Variants in DNAH11 observed in about 807,000 individuals in gnomAD.
The protein encoded by DNAH11 is dynein axonemal heavy chain 11, also known as axonemal beta dynein heavy chain 11.
In DNAH11, 442 loss-of-function variants were observed where a neutral mutation model predicts 526.0. The observed-to-expected ratio is 0.84, with a 90% CI of 0.78 to 0.91. The LOEUF is 0.91. Ranked by LOEUF, DNAH11 falls within the 40% of genes least tolerant of loss-of-function variation. The pLI, the probability that DNAH11 is intolerant of heterozygous loss-of-function variation, is 0.00. For missense variants in DNAH11, 6,989 were observed against 5,448.7 expected, an observed-to-expected ratio of 1.28 and a Z score of -8.90; for synonymous variants, 2,461 against 1,935.9, an observed-to-expected ratio of 1.27 and a Z score of -7.12.
rs765016952 is a variant in DNAH11, at chr7:21,894,712, A to T, written c.12840A>T (p.Pro4280=). Residue 4280 remains proline, a synonymous_variant, in exon 78 of 82, where the codon CCA becomes CCT. Transcript: ENST00000409508. ...TGCAAAAAAATTCAAATAGAAGCCC[A>T]TATGTTCTTGTTTGCTTCCAAGAAT... ...EIMQKNSNRS[P]YVLVCFQECE... The T allele has an allele frequency of 6.2e-7, 1 of 1,613,896 alleles. No homozygotes were observed.
intron 62 of DNAH11, among the ~76,000 whole-genome samples, chr7:21,804,858 C>T (rs1789183637): frequency 6.6e-6 from 1 of 152,176 alleles, no homozygotes; most frequent in African/African-American, 2.4e-5. Flanking sequence ...TCCCCAATAG[C>T]TAATTAATCA....
At chr7:21,838,359 CT>C (rs1419351311) in intron 65 of DNAH11, among the ~76,000 whole-genome samples, 4 of 152,180 alleles carry the variant, frequency 2.6e-5, no homozygotes, top group African/African-American at 9.6e-5. Flanking sequence ...TAATTGTTCC[CT>C]TTTTTTGGTA....
chr7:21,835,600 G>C (rs1781963113), intron 65 of DNAH11, among the ~76,000 whole-genome samples: 1 of 152,064 alleles, frequency 6.6e-6, no homozygotes, highest in Non-Finnish European at 1.5e-5. Context: ...ATTGTGTATA[G>C]AAGGAACATA....
chr7:21,897,545 A>G (rs955769260), intron 79 of DNAH11, among the ~76,000 whole-genome samples: 1 of 152,100 alleles, frequency 6.6e-6, no homozygotes, highest in Non-Finnish European at 1.5e-5. Flanking sequence ...TCTCTACCAA[A>G]TTTTCTTGGA....
chr7:21,779,858 CAAA>C (rs1239097682), intron 57 of DNAH11, among the ~76,000 whole-genome samples: 2 of 151,980 alleles, frequency 1.3e-5, no homozygotes, highest in Admixed American at 6.6e-5. Flanking sequence ...TTATTTTAGA[CAAA>C]AAAGTATAAT....
At chr7:21,820,224 G>A (rs1029532574) in intron 65 of DNAH11, among the ~76,000 whole-genome samples, 8 of 152,108 alleles carry the variant, frequency 5.3e-5, no homozygotes, top group African/African-American at 1.7e-4. Flanking sequence ...TACTATACTG[G>A]GGGCTGCAGA....
At chr7:21,809,716 A>C (rs1789424671) in intron 63 of DNAH11, among the ~76,000 whole-genome samples, 1 of 151,950 alleles carries the variant, frequency 6.6e-6, no homozygotes, top group Non-Finnish European at 1.5e-5. Context: ...GGCACCCGCC[A>C]CCACACCTGG....
chr7:21,816,622 A>G lies in DNAH11; in HGVS notation c.10488A>G (p.Ile3496Met). Residue 3496 changes from isoleucine (I) to methionine (M), a missense_variant, in exon 64 of 82, where the codon ATA (isoleucine) becomes ATG (methionine). Transcript: ENST00000409508. The stretch of plus-strand genomic sequence containing the variant: ...ACTGTGAGCGCTGGCCTCTGGTGAT[A>G]GATCCCCAGCAACAGGGAATTAAGT... ...LTHCERWPLVIDPQQQGIKWI... is the reference protein window; with the variant it reads ...LTHCERWPLVMDPQQQGIKWI... 1 of 1,613,766 alleles carries G rather than the reference A, an allele frequency of 6.2e-7. No individual in the cohort carries two copies. Among genetic ancestry groups the G allele is most frequent in the African/African-American group, 1.3e-5 (1 of 75,030 alleles).
Position 21,600,811 on chromosome 7 carries a change from G to A in DNAH11, c.3136G>A (p.Ala1046Thr). ...CACTTACCTCTGGGTGGATGATCGA[G>A]CTGAGTTTATGAAGCATTTTCTCTT... ...THTYLWVDDR[A>T]EFMKHFLLYG... The change falls in exon 16 of 82, where the codon GCT becomes ACT. Residue 1046 changes from alanine to threonine, a missense_variant. Transcript: ENST00000409508. 1.2e-6 allele frequency: 2 copies of A among 1,613,934 alleles called. No individual in the cohort carries two copies. The highest frequency in any genetic ancestry group is 1.1e-5 in the South Asian group (1 of 91,070).
Position 21,717,796 on chromosome 7 carries a change from C to A in DNAH11, c.7005C>A (p.Asp2335Glu). 1 of 1,613,772 alleles carries A rather than the reference C, an allele frequency of 6.2e-7. No individual in the cohort carries two copies. Among genetic ancestry groups the A allele is most frequent in the South Asian group, 1.1e-5 (1 of 91,072 alleles). Residue 2335 changes from aspartate (D) to glutamate (E), a missense_variant, in exon 43 of 82, where the codon GAC becomes GAA. Transcript: ENST00000409508. The part of the protein sequence containing the change: ...GWNPYVASWI[D>E]RRRHQSEKAN... ...TCAGGTATGTGGCCAGTTGGATAGA[C>A]AGAAGGCGGCATCAATCAGAAAAGG...
intron 40 of DNAH11, among the ~76,000 whole-genome samples, chr7:21,708,950 T>A (rs913877651): frequency 6.6e-6 from 1 of 152,190 alleles, no homozygotes; most frequent in African/African-American, 2.4e-5. Context: ...ATGGTGAGGC[T>A]GTGGAGAAAA....
intron 25 of DNAH11, among the ~76,000 whole-genome samples, chr7:21,626,596 C>G (rs983646520): frequency 4.6e-5 from 7 of 152,120 alleles, no homozygotes; most frequent in African/African-American, 2.4e-5. Context: ...TTCTCCACAT[C>G]CTTGCCAGCA....
At chr7:21,798,063 C>T (rs1318212609) in intron 61 of DNAH11, among the ~76,000 whole-genome samples, 2 of 152,162 alleles carry the variant, frequency 1.3e-5, no homozygotes, top group Non-Finnish European at 2.9e-5. Flanking sequence ...GTCCACACCA[C>T]CAGGGTCAGT....
intron 2 of DNAH11, among the ~76,000 whole-genome samples, chr7:21,555,701 A>G (rs1783193257): frequency 6.6e-6 from 1 of 152,158 alleles, no homozygotes. Flanking sequence ...CCTGGTTGCC[A>G]TGGTGCCTGC....
At chr7:21,737,530 G>C (rs1304802669) in intron 46 of DNAH11, among the ~76,000 whole-genome samples, 1 of 152,224 alleles carries the variant, frequency 6.6e-6, no homozygotes, top group Non-Finnish European at 1.5e-5. Context: ...ACTGTCTTTT[G>C]AGAAGAGAGA....
At chr7:21,707,888 G>GT (rs1161813278) in intron 40 of DNAH11, 53 bp downstream of exon 40, 1 of 1,509,368 alleles carries the variant, frequency 6.6e-7, no homozygotes, top group African/African-American at 1.4e-5. Flanking sequence ...CCAGAAAGCC[G>GT]TTTTTCAGTA....
At chr7:21,690,739 T>C in intron 34 of DNAH11, 26 bp from the exon 35 acceptor site, 1 of 1,550,378 alleles carries the variant, frequency 6.5e-7, no homozygotes, top group Non-Finnish European at 8.9e-7. Context: ...ACACATTTAA[T>C]TTCATCAACA....
chr7:21,748,430 A>G, intron 51 of DNAH11, 150 bp from the exon 52 acceptor site: 1 of 850,480 alleles, frequency 1.2e-6, no homozygotes. Context: ...CGGAGGCTGC[A>G]ATGAGCCAAG....
chr7:21,637,676 T>C lies in DNAH11; in HGVS notation c.4791T>C (p.Tyr1597=), dbSNP rs748873603. ...VLEATCRPNL[Y]EKLKDLQSRL... ...AAGCAACGTGCAGACCTAATCTCTA[T>C]GAAAAACTTAAAGATTTACAGTCCA... The change falls in exon 27 of 82, where the codon TAT becomes TAC. Residue 1597 remains tyrosine (Y), a synonymous_variant. Coordinates refer to ENST00000409508, the MANE Select transcript of DNAH11 (RefSeq NM_001277115.2). 71 of 1,572,446 alleles carry C rather than the reference T, an allele frequency of 4.5e-5. No homozygotes were observed. In the African/African-American group the frequency reaches 8.4e-4, roughly 19 times the overall value.
Sources: allele counts gnomAD v4.1 joint callset (sites outside exome capture counted in the v4.1 genomes callset), GRCh38; gene constraint gnomAD v4.1.1; transcripts MANE v1.5; gene names NCBI Gene and HGNC (gene_info 2026-07-23, HGNC 2026-07-21).